The following SLC12A2 variants were observed in gnomAD, a reference collection of about 807,000 sequenced individuals.
SLC12A2 encodes Na-K-2Cl cotransporter 1.
Under a neutral mutation model 136.3 loss-of-function variants are expected in SLC12A2, and 67 were observed. That is an observed-to-expected ratio of 0.49 (90% confidence interval 0.40 to 0.60). The LOEUF (loss-of-function observed/expected upper bound fraction) is 0.60. SLC12A2 is among the 20% of genes least tolerant of loss of function. The probability of loss-of-function intolerance (pLI) is 0.00; values close to 1 mark genes in which losing one functional copy is unlikely to be tolerated. For missense variants in SLC12A2, 1,322 were observed against 1,534.7 expected, an observed-to-expected ratio of 0.86 and a Z score of 2.32; for synonymous variants, 619 against 562.9, an observed-to-expected ratio of 1.10 and a Z score of -1.41.
chr5:128,107,743 A>G (rs573065198), intron 1 of SLC12A2, among the ~76,000 whole-genome samples: 24 of 152,298 alleles, frequency 1.6e-4, no homozygotes, highest in East Asian at 3.9e-4. Context: ...TACTGCTGCA[A>G]TAAACACACG....
At chr5:128,117,103 G>C (rs1310953663) in intron 4 of SLC12A2, among the ~76,000 whole-genome samples, 1 of 152,108 alleles carries the variant, frequency 6.6e-6, no homozygotes, top group Non-Finnish European at 1.5e-5. Context: ...AGCAATTCTT[G>C]TGCCCATGTT....
At chr5:128,175,971 CTTTAT>C (rs1479350724) in intron 20 of SLC12A2, among the ~76,000 whole-genome samples, 3 of 151,652 alleles carry the variant, frequency 2.0e-5, no homozygotes, top group Non-Finnish European at 1.5e-5. Context: ...TTAGTGTTTG[CTTTAT>C]TTTGTGTTTA....
At chr5:128,103,108 G>C (rs1020368853) in intron 1 of SLC12A2, among the ~76,000 whole-genome samples, 3 of 152,160 alleles carry the variant, frequency 2.0e-5, no homozygotes, top group East Asian at 3.8e-4. Context: ...GATATGCTGA[G>C]GAGTAGAATT....
intron 4 of SLC12A2, among the ~76,000 whole-genome samples, chr5:128,119,017 G>T (rs1208350515): frequency 6.6e-6 from 1 of 152,044 alleles, no homozygotes; most frequent in Non-Finnish European, 1.5e-5. Context: ...CAATGTGTAG[G>T]TATGAGTTTT....
rs1010579776 is a variant in SLC12A2, at chr5:128,083,784, G to C, written c.-171G>C. The stretch of plus-strand genomic sequence containing the variant: ...GCCCGCCACACTCGCGCGCTCGCTC[G>C]GCTGCCGGTGGCCTCTGTGGCCGTC... On this transcript the variant is annotated 5_prime_UTR_variant, in exon 1 of 27. Coordinates refer to ENST00000262461, the MANE Select transcript of SLC12A2 (RefSeq NM_001046.3). The C allele has an allele frequency of 1.9e-5, 8 of 427,180 alleles. No homozygotes were observed. The highest frequency in any genetic ancestry group is 9.3e-5 in the Admixed American group (2 of 21,504). The allele number at this position is 427,180 out of a possible 1,614,324, so 26.5% of individuals were successfully genotyped here.
intron 4 of SLC12A2, among the ~76,000 whole-genome samples, chr5:128,127,805 T>C (rs1761873018): frequency 6.6e-6 from 1 of 152,128 alleles, no homozygotes; most frequent in Non-Finnish European, 1.5e-5. Flanking sequence ...ATTTACTTTT[T>C]TCTTCTTTGT....
intron 4 of SLC12A2, among the ~76,000 whole-genome samples, chr5:128,116,317 G>A (rs752165826): frequency 3.3e-5 from 5 of 151,634 alleles, no homozygotes; most frequent in Non-Finnish European, 7.4e-5. Flanking sequence ...GCAAGATTGT[G>A]ACCAAAAAGC....
Position 128,084,132 on chromosome 5 carries a change from G to T in SLC12A2, c.178G>T (p.Gly60Cys). The T allele has an allele frequency of 7.7e-7, 1 of 1,297,014 alleles. No individual in the cohort carries two copies. The highest frequency in any genetic ancestry group is 3.2e-5 in the East Asian group (1 of 31,056). The allele number at this position is 1,297,014 out of a possible 1,614,324, so 80.3% of individuals were successfully genotyped here. ...GGACGGCGGCGGGGTCCGCGATGAG[G>T]GCCCCGCGGCGGCCGGGGACGGGCT... ...SRDGGGVRDE[G>C]PAAAGDGLGR... is the part of the protein sequence containing the mutation. Residue 60 changes from glycine to cysteine, a missense_variant, in exon 1 of 27, where the codon GGC (glycine) becomes TGC (cysteine). By Grantham distance (159) the Gly-to-Cys change is radical. This residue lies in a region of SLC12A2 where 358 missense variants were observed against 299.7 expected (regional missense o/e 1.19). Coordinates refer to ENST00000262461, the MANE Select transcript of SLC12A2 (RefSeq NM_001046.3). This position sits in a 1 kb window ranked among gnomAD's most constrained non-coding sequence, Gnocchi z 5.6.
intron 1 of SLC12A2, among the ~76,000 whole-genome samples, chr5:128,093,554 C>T (rs1053784642): frequency 6.6e-6 from 1 of 152,084 alleles, no homozygotes; most frequent in Non-Finnish European, 1.5e-5. Context: ...CTATATCTCT[C>T]GGAATGGTAC....
rs1439128888 is a variant in SLC12A2 at position 128,134,288 on chromosome 5, A to T, written c.1299+13A>T. ...GTGGGAAGCAAAAGTAAGTTATGAT[A>T]GGAACACCTGTAAATATTTAATACG... On this transcript the variant is annotated intron_variant, in intron 6 of 26. Transcript: ENST00000262461. 1 of 1,256,370 alleles carries T rather than the reference A, an allele frequency of 8.0e-7. No homozygotes were observed. Among genetic ancestry groups the T allele is most frequent in the South Asian group, 1.2e-5 (1 of 83,320 alleles). The allele number at this position is 1,256,370 out of a possible 1,614,324, so 77.8% of individuals were successfully genotyped here. A position where few individuals can be genotyped will look rare whatever the true frequency, so the allele number is the denominator to read the frequency against.
At chr5:128,165,923 C>T (rs199596959) in intron 17 of SLC12A2, among the ~76,000 whole-genome samples, 3 of 139,344 alleles carry the variant, frequency 2.2e-5, no homozygotes, top group South Asian at 2.6e-4. Flanking sequence ...TTACCTCCCC[C>T]CCCCCCCCCC....
chr5:128,144,041 T>C (rs1338240246), intron 10 of SLC12A2, among the ~76,000 whole-genome samples: 1 of 151,940 alleles, frequency 6.6e-6, no homozygotes, highest in Non-Finnish European at 1.5e-5. Context: ...CTAGGCAAAA[T>C]TGTAGGAATG....
intron 4 of SLC12A2, among the ~76,000 whole-genome samples, chr5:128,123,637 TTATTG>T (rs1341740453): frequency 2.0e-5 from 3 of 152,194 alleles, no homozygotes; most frequent in African/African-American, 4.8e-5. Context: ...GAAGGGTTAT[TTATTG>T]TATTGAGAGT....
Position 128,083,766 on chromosome 5 carries a change from A to G in SLC12A2, c.-189A>G, listed in dbSNP as rs1391685182. ...CAGCGGGGCCCGCCCCGCGCCCGCC[A>G]CACTCGCGCGCTCGCTCGGCTGCCG... On this transcript the variant is annotated 5_prime_UTR_variant, in exon 1 of 27. Transcript: ENST00000262461. 5.6e-5 allele frequency: 21 copies of G among 375,798 alleles called. 1 individual carries two copies. In the Admixed American group the frequency reaches 8.5e-4, roughly 15 times the overall value. 23.3% of individuals were successfully genotyped at this position (375,798 alleles called of 1,614,324 possible).
chr5:128,121,853 T>A (rs1761593878), intron 4 of SLC12A2, among the ~76,000 whole-genome samples: 1 of 152,182 alleles, frequency 6.6e-6, no homozygotes, highest in Admixed American at 6.5e-5. Context: ...GAGCTTGGAT[T>A]TTATAGAGTT....
chr5:128,131,438 C>T (rs560999200), intron 5 of SLC12A2, among the ~76,000 whole-genome samples: 6 of 151,240 alleles, frequency 4.0e-5, no homozygotes, highest in African/African-American at 1.5e-4. Context: ...CCGAGGCGAG[C>T]GGATCACGAG....
At chr5:128,110,479 G>A (rs1761103498) in intron 1 of SLC12A2, 18 of 1,390,584 alleles carry the variant, frequency 1.3e-5, no homozygotes, top group East Asian at 2.3e-5. Flanking sequence ...ACTCATAGAC[G>A]CTGCTTTCAC....
intron 1 of SLC12A2, among the ~76,000 whole-genome samples, chr5:128,089,839 AT>A (rs1235010486): frequency 6.6e-6 from 1 of 152,176 alleles, no homozygotes; most frequent in Non-Finnish European, 1.5e-5. Flanking sequence ...GGCTGTGTTG[AT>A]GCCTAGTCAA....
intron 17 of SLC12A2, among the ~76,000 whole-genome samples, chr5:128,165,847 G>A (rs1207886117): frequency 6.7e-6 from 1 of 150,118 alleles, no homozygotes; most frequent in Non-Finnish European, 1.5e-5. Context: ...CATTAAGAAG[G>A]TACTGGTTAT....
Sources: gnomAD v4.1 joint callset for allele counts (sites outside exome capture counted in the v4.1 genomes callset) on GRCh38, gnomAD v4.1.1 for gene constraint, gnomAD v4.1.1 regional missense constraint, Gnocchi (gnomAD v3.1) non-coding constraint, MANE v1.5 for transcripts, NCBI Gene and HGNC (gene_info 2026-07-23, HGNC 2026-07-21) for gene names.